Variants in PCDH9 observed in about 807,000 individuals in gnomAD.
PCDH9 encodes protocadherin 9, also known as protocadherin-9.
In PCDH9, 24 loss-of-function variants were observed where a neutral mutation model predicts 70.6. The observed-to-expected ratio is 0.34, with a 90% CI of 0.25 to 0.48. PCDH9 has a LOEUF of 0.48. Ranked by LOEUF, PCDH9 falls within the 20% of genes least tolerant of loss-of-function variation. The probability of loss-of-function intolerance (pLI) is 0.99; values close to 1 mark genes in which losing one functional copy is unlikely to be tolerated. For missense variants in PCDH9, 1,281 were observed against 1,503.6 expected, an observed-to-expected ratio of 0.85 and a Z score of 2.45; for synonymous variants, 562 against 558.5, an observed-to-expected ratio of 1.01 and a Z score of -0.09.
chr13:66,956,389 TAAGTA>T (rs2083265593), intron 2 of PCDH9, among the ~76,000 whole-genome samples: 1 of 152,082 alleles, frequency 6.6e-6, no homozygotes, highest in African/African-American at 2.4e-5. Flanking sequence ...AGGCTTAAAT[TAAGTA>T]TTTTTAAAAA....
chr13:66,811,919 A>AT (rs1188798796), intron 3 of PCDH9, among the ~76,000 whole-genome samples: 1 of 151,898 alleles, frequency 6.6e-6, no homozygotes, highest in Non-Finnish European at 1.5e-5. Flanking sequence ...ATATTTTAAA[A>AT]TTTTTATTTA....
chr13:66,582,970 G>A (rs1230270092), intron 4 of PCDH9, among the ~76,000 whole-genome samples: 2 of 151,982 alleles, frequency 1.3e-5, no homozygotes, highest in Non-Finnish European at 2.9e-5. Flanking sequence ...CTCTCATCTG[G>A]TTTAGATTCC....
intron 2 of PCDH9, among the ~76,000 whole-genome samples, chr13:67,097,458 A>G (rs2086344679): frequency 6.6e-6 from 1 of 152,214 alleles, no homozygotes; most frequent in South Asian, 2.1e-4. Context: ...AAGACAAAGT[A>G]TAGCAATATG....
At chr13:66,803,663 A>G (rs1018822970) in intron 3 of PCDH9, among the ~76,000 whole-genome samples, 8 of 151,770 alleles carry the variant, frequency 5.3e-5, no homozygotes, top group African/African-American at 1.9e-4. Flanking sequence ...GGTGTTTTGA[A>G]TTTCATTACA....
At chr13:66,618,551 T>A (rs1336041325) in intron 4 of PCDH9, among the ~76,000 whole-genome samples, 1 of 152,192 alleles carries the variant, frequency 6.6e-6, no homozygotes, top group East Asian at 1.9e-4. Context: ...TTTGATATTA[T>A]GAGAATATAT....
At chr13:66,719,916 C>T (rs1466208603) in intron 3 of PCDH9, among the ~76,000 whole-genome samples, 1 of 152,070 alleles carries the variant, frequency 6.6e-6, no homozygotes, top group Non-Finnish European at 1.5e-5. Flanking sequence ...GATGAAAATA[C>T]CAGTGGTTTA....
intron 2 of PCDH9, among the ~76,000 whole-genome samples, chr13:67,141,601 C>T (rs945667818): frequency 1.3e-5 from 2 of 151,884 alleles, no homozygotes; most frequent in African/African-American, 2.4e-5. Flanking sequence ...CCACCACGCC[C>T]AGCTAATTTT....
At chr13:66,841,704 T>G (rs2139430587) in intron 3 of PCDH9, among the ~76,000 whole-genome samples, 1 of 152,266 alleles carries the variant, frequency 6.6e-6, no homozygotes, top group African/African-American at 2.4e-5. Flanking sequence ...ATAATAAAAA[T>G]TATTATTTTG....
intron 2 of PCDH9, among the ~76,000 whole-genome samples, chr13:67,083,431 T>C (rs192882390): frequency 2.8e-4 from 42 of 152,298 alleles, no homozygotes; most frequent in African/African-American, 9.1e-4. Context: ...AGTGTCTATA[T>C]ATCAATTTAA....
chr13:67,205,206 C>A (rs1282066921), intron 2 of PCDH9: 1 of 152,052 alleles, frequency 6.6e-6, no homozygotes, highest in African/African-American at 2.4e-5. Flanking sequence ...ACAAAGGAAA[C>A]CCTGCTGTTC....
intron 3 of PCDH9, among the ~76,000 whole-genome samples, chr13:66,655,206 T>C (rs1353261457): frequency 6.6e-6 from 1 of 152,010 alleles, no homozygotes; most frequent in Non-Finnish European, 1.5e-5. Flanking sequence ...ATTTCAACCA[T>C]GAAAAACAGT....
intron 3 of PCDH9, among the ~76,000 whole-genome samples, chr13:66,657,051 T>G (rs1181416939): frequency 6.6e-6 from 1 of 152,154 alleles, no homozygotes; most frequent in Non-Finnish European, 1.5e-5. Context: ...CTATGTCCAT[T>G]TTAATTACAC....
chr13:67,080,902 T>G (rs990365615), intron 2 of PCDH9, among the ~76,000 whole-genome samples: 6 of 152,158 alleles, frequency 3.9e-5, no homozygotes, highest in African/African-American at 1.4e-4. Context: ...AAAAACACAC[T>G]CATGAAATTA....
At chr13:66,319,382 G>T (rs113418968) in intron 4 of PCDH9, among the ~76,000 whole-genome samples, 1 of 152,022 alleles carries the variant, frequency 6.6e-6, no homozygotes, top group Non-Finnish European at 1.5e-5. Flanking sequence ...TTCTTGAAGC[G>T]CAATGGCAGA....
At chr13:66,424,655 A>G (rs1423506123) in intron 4 of PCDH9, among the ~76,000 whole-genome samples, 1 of 152,008 alleles carries the variant, frequency 6.6e-6, no homozygotes, top group Non-Finnish European at 1.5e-5. Context: ...TTTCCATTAC[A>G]GTATTCCTTG....
chr13:66,886,864 T>G (rs1271555735), intron 3 of PCDH9, among the ~76,000 whole-genome samples: 2 of 152,096 alleles, frequency 1.3e-5, no homozygotes, highest in African/African-American at 4.8e-5. Context: ...TATCTGAATA[T>G]TCTACAATTC....
At chr13:66,493,751 G>C (rs1344973218) in intron 4 of PCDH9, among the ~76,000 whole-genome samples, 1 of 152,070 alleles carries the variant, frequency 6.6e-6, no homozygotes, top group African/African-American at 2.4e-5. Context: ...ATCAAAGTTT[G>C]AAGGATTAAC....
chr13:66,443,048 C>A (rs966042953), intron 4 of PCDH9, among the ~76,000 whole-genome samples: 3 of 152,194 alleles, frequency 2.0e-5, no homozygotes, highest in African/African-American at 7.2e-5. Context: ...CCTGGACCCT[C>A]TGTGAATGCC....
intron 4 of PCDH9, among the ~76,000 whole-genome samples, chr13:66,422,274 T>A (rs1055184550): frequency 4.6e-5 from 7 of 152,140 alleles, no homozygotes; most frequent in African/African-American, 1.7e-4. Flanking sequence ...AACAAGGATA[T>A]TCGGGACTTC....
Sources: allele counts gnomAD v4.1 joint callset (sites outside exome capture counted in the v4.1 genomes callset), GRCh38; gene constraint gnomAD v4.1.1; transcripts MANE v1.5; gene names NCBI Gene and HGNC (gene_info 2026-07-23, HGNC 2026-07-21).